The following ADK variants were observed in gnomAD, a reference collection of about 807,000 sequenced individuals.
ADK encodes the protein N6,N6-dimethyladenosine kinase.
Under a neutral mutation model 44.7 loss-of-function variants are expected in ADK, and 24 were observed. The observed-to-expected ratio is 0.54, with a 90% confidence interval of 0.39 to 0.76. The LOEUF is 0.76. Among genes scored for constraint, ADK ranks in the 30% least tolerant of loss-of-function variants. The pLI, the probability that ADK is intolerant of heterozygous loss-of-function variation, is 0.00. For synonymous variants in ADK, 128 were observed against 142.6 expected (o/e 0.90, Z 0.73); for missense variants, 321 against 425.1 (o/e 0.76, Z 2.15).
chr10:74,685,824 T>C (rs1855765606), intron 10 of ADK, among the ~76,000 whole-genome samples: 1 of 152,172 alleles, frequency 6.6e-6, no homozygotes, highest in Admixed American at 6.5e-5. Flanking sequence ...TTCAAGGCAC[T>C]GTTTACTCTG....
At chr10:74,403,154 A>T (rs570569790) in intron 6 of ADK, among the ~76,000 whole-genome samples, 3 of 152,034 alleles carry the variant, frequency 2.0e-5, no homozygotes, top group African/African-American at 7.2e-5. Context: ...GTTGGCCCCT[A>T]CTGGGAGGTA....
At chr10:74,574,906 A>G (rs573183341) in intron 7 of ADK, among the ~76,000 whole-genome samples, 20 of 152,358 alleles carry the variant, frequency 1.3e-4, no homozygotes, top group African/African-American at 4.1e-4. Flanking sequence ...ATGCACATTT[A>G]CTTAATTCAT....
Position 74,554,198 on chromosome 10 carries a change from T to C in ADK, c.726+28772T>C, listed in dbSNP as rs542107234. On this transcript the variant is annotated intron_variant, in intron 7 of 10. Coordinates refer to ENST00000539909, the MANE Select transcript of ADK (RefSeq NM_006721.4). ...TAATTATACATTAATGTACTCTTTT[T>C]CCCTCCTGTCCTTTTTTTATTATGA... Among the ~76,000 whole-genome samples the C allele has an allele frequency of 2.2e-3, 332 of 152,258 alleles. 2 individuals are homozygous for C. The highest frequency in any genetic ancestry group is 3.3e-3 in the Non-Finnish European group (222 of 67,996).
At chr10:74,302,034 A>C (rs767080184) in intron 3 of ADK, among the ~76,000 whole-genome samples, 2 of 150,096 alleles carry the variant, frequency 1.3e-5, no homozygotes, top group Non-Finnish European at 3.0e-5. Flanking sequence ...TTTGGAATTC[A>C]GGGCTTTGTA....
intron 4 of ADK, among the ~76,000 whole-genome samples, chr10:74,367,137 TG>T (rs1297250434): frequency 6.6e-6 from 1 of 152,206 alleles, no homozygotes; most frequent in Non-Finnish European, 1.5e-5. Flanking sequence ...ATATCCTCCA[TG>T]AAACCAGCTT....
At chr10:74,573,836 C>T (rs567366056) in intron 7 of ADK, among the ~76,000 whole-genome samples, 12 of 152,314 alleles carry the variant, frequency 7.9e-5, no homozygotes, top group Non-Finnish European at 1.6e-4. Context: ...TCTCCTGGTG[C>T]GCCATTTTTT....
chr10:74,204,506 G>T (rs1017452643), intron 2 of ADK, among the ~76,000 whole-genome samples: 1 of 151,884 alleles, frequency 6.6e-6, no homozygotes, highest in Admixed American at 6.6e-5. Context: ...AATGTCAAAG[G>T]GTAAGGCAAG....
At chr10:74,433,184 C>A (rs138540362) in intron 6 of ADK, among the ~76,000 whole-genome samples, 3 of 152,158 alleles carry the variant, frequency 2.0e-5, no homozygotes, top group African/African-American at 7.2e-5. Flanking sequence ...ATGTCATAAT[C>A]TCATTCATTA....
chr10:74,211,926 A>C (rs1488053145), intron 2 of ADK, among the ~76,000 whole-genome samples: 1 of 152,076 alleles, frequency 6.6e-6, no homozygotes, highest in Non-Finnish European at 1.5e-5. Flanking sequence ...CATATTCTAG[A>C]TTATTGGTGG....
intron 4 of ADK, among the ~76,000 whole-genome samples, chr10:74,384,204 T>C (rs1267642312): frequency 6.6e-6 from 1 of 152,196 alleles, no homozygotes; most frequent in Admixed American, 6.5e-5. Flanking sequence ...TCCTGTTCAC[T>C]TATTTGACAA....
intron 10 of ADK, among the ~76,000 whole-genome samples, chr10:74,694,641 C>G (rs1391586902): frequency 6.6e-6 from 1 of 151,866 alleles, no homozygotes; most frequent in African/African-American, 2.4e-5. Flanking sequence ...ACCACCATGC[C>G]CAGCTAATTT....
At chr10:74,314,812 A>C (rs1840560714) in intron 4 of ADK, 67 bp downstream of exon 4, 5 of 1,215,920 alleles carry the variant, frequency 4.1e-6, no homozygotes, top group Non-Finnish European at 6.0e-6. Context: ...ATTTTGCATA[A>C]TTGTTTCCTT....
At chr10:74,479,862 C>T (rs1847001715) in intron 6 of ADK, among the ~76,000 whole-genome samples, 1 of 152,008 alleles carries the variant, frequency 6.6e-6, no homozygotes, top group Non-Finnish European at 1.5e-5. Context: ...AATTGTATTA[C>T]TTCTACTTTG....
intron 4 of ADK, among the ~76,000 whole-genome samples, chr10:74,363,454 C>T (rs1006553513): frequency 1.3e-5 from 2 of 152,158 alleles, no homozygotes; most frequent in African/African-American, 2.4e-5. Flanking sequence ...GGTTGATGTG[C>T]TTGTCATGTT....
chr10:74,573,993 C>T (rs1390791689), intron 7 of ADK, among the ~76,000 whole-genome samples: 1 of 152,182 alleles, frequency 6.6e-6, no homozygotes, highest in Non-Finnish European at 1.5e-5. Flanking sequence ...CTTTGGCTCA[C>T]GCACAGTGCG....
chr10:74,335,887 TAC>T (rs375524513), intron 4 of ADK, among the ~76,000 whole-genome samples: 4 of 152,350 alleles, frequency 2.6e-5, no homozygotes, highest in African/African-American at 9.6e-5. Flanking sequence ...TTATTTTTGT[TAC>T]AGAGTTTTGA....
chr10:74,705,286 GCAGCAGCT>G (rs3837336), intron 10 of ADK, among the ~76,000 whole-genome samples: 122,779 of 151,378 alleles, frequency 0.81, 50,125 homozygotes, highest in African/African-American at 0.9. Flanking sequence ...AGTGTTAACT[GCAGCAGCT>G]CAGCAGCTCA....
At chr10:74,479,653 T>C (rs1846994324) in intron 6 of ADK, among the ~76,000 whole-genome samples, 1 of 151,998 alleles carries the variant, frequency 6.6e-6, no homozygotes, top group Non-Finnish European at 1.5e-5. Flanking sequence ...TTTTTTATTC[T>C]GGCATTTTGG....
chr10:74,241,311 C>CG (rs1420677417), intron 3 of ADK, among the ~76,000 whole-genome samples: 1 of 152,122 alleles, frequency 6.6e-6, no homozygotes, highest in East Asian at 1.9e-4. Flanking sequence ...AATAGCCTCC[C>CG]CCATTTTCAG....
Sources: allele counts gnomAD v4.1 joint callset (sites outside exome capture counted in the v4.1 genomes callset), GRCh38; gene constraint gnomAD v4.1.1; transcripts MANE v1.5; gene names NCBI Gene and HGNC (gene_info 2026-07-23, HGNC 2026-07-21).